Variants in DPP4 observed in about 807,000 individuals in gnomAD.
DPP4 encodes ADCP-2.
In DPP4, 93 loss-of-function variants were observed where a neutral mutation model predicts 122.4. The observed-to-expected ratio is 0.76, with a 90% CI of 0.64 to 0.90. DPP4 has a LOEUF of 0.90. Ranked by LOEUF, DPP4 falls within the 40% of genes least tolerant of loss-of-function variation. The pLI is 0.00. For missense variants in DPP4, 914 were observed against 907.3 expected, an observed-to-expected ratio of 1.01 and a Z score of -0.09; for synonymous variants, 321 against 302.9, an observed-to-expected ratio of 1.06 and a Z score of -0.62.
At chr2:161,997,352 G>C (rs1037464717) in intron 23 of DPP4, among the ~76,000 whole-genome samples, 12 of 151,936 alleles carry the variant, frequency 7.9e-5, no homozygotes, top group African/African-American at 2.9e-4. Flanking sequence ...TCCCTCCGTT[G>C]ATTTTTTTCA....
At chr2:162,030,415 T>C (rs943433466) in intron 10 of DPP4, among the ~76,000 whole-genome samples, 9 of 152,166 alleles carry the variant, frequency 5.9e-5, no homozygotes, top group African/African-American at 2.2e-4. Context: ...TCCTGTGGAT[T>C]TCACTTGCTG....
At chr2:162,070,392 C>G (rs1484567539) in intron 2 of DPP4, among the ~76,000 whole-genome samples, 2 of 152,152 alleles carry the variant, frequency 1.3e-5, no homozygotes, top group East Asian at 3.9e-4. Flanking sequence ...AAGCATTTCA[C>G]ATGGAAATGC....
chr2:162,047,637 A>T (rs563937607), intron 2 of DPP4, 136 bp from the exon 3 acceptor site: 2 of 526,184 alleles, frequency 3.8e-6, no homozygotes, highest in South Asian at 3.5e-5. Context: ...TGCAAGACAC[A>T]TTTTAAAAGA....
rs756717563 is a variant in DPP4, at chr2:162,073,091, A to C, written c.94+308T>G. On this transcript the variant is annotated intron_variant, in intron 2 of 25. Coordinates refer to ENST00000360534, the MANE Select transcript of DPP4 (RefSeq NM_001935.4). Reference sequence around the variant, plus strand: ...TCTCAAAAATTACATGTAAATTTAAAAATTTACAAATTAAATTTAAAATTG... The same window carrying C: ...TCTCAAAAATTACATGTAAATTTAACAATTTACAAATTAAATTTAAAATTG... 2.6e-4 allele frequency among the ~76,000 whole-genome samples: 39 copies of C among 152,232 alleles called. 1 individual carries two copies. The highest frequency in any genetic ancestry group is 4.3e-4 in the Non-Finnish European group (29 of 68,044).
At chr2:162,032,634 G>A (rs1268231083) in intron 10 of DPP4, among the ~76,000 whole-genome samples, 1 of 151,752 alleles carries the variant, frequency 6.6e-6, no homozygotes, top group African/African-American at 2.4e-5. Flanking sequence ...AGCCGAGATG[G>A]CATCACTGCA....
At position 162,035,281 on chromosome 2, in the gene DPP4, G is replaced by A. The variant is rs141550028; in HGVS notation, c.657C>T (p.Asn219=). 4.6e-5 allele frequency: 74 copies of A among 1,613,980 alleles called. No homozygotes were observed. Among genetic ancestry groups the A allele is most frequent in the African/African-American group, 5.3e-5 (4 of 75,028 alleles). The change falls in exon 9 of 26, where the codon AAC becomes AAT. Residue 219 remains asparagine (N), a synonymous_variant. Transcript: ENST00000360534. ...ATTGGGCATATGCTAAAAAAGTGCC[G>A]TTTGGAGACCACCACAGAGCAGAGT... is the stretch of plus-strand genomic sequence containing the variant. The part of the protein sequence containing the change: ...SAYSALWWSP[N]GTFLAYAQFN...
At chr2:162,069,668 C>T (rs1685053161) in intron 2 of DPP4, among the ~76,000 whole-genome samples, 1 of 152,182 alleles carries the variant, frequency 6.6e-6, no homozygotes, top group Non-Finnish European at 1.5e-5. Context: ...ACAGAGCATA[C>T]TGTTTAGAAA....
At chr2:162,057,359 T>C (rs1049517124) in intron 2 of DPP4, among the ~76,000 whole-genome samples, 2 of 152,186 alleles carry the variant, frequency 1.3e-5, no homozygotes, top group Admixed American at 1.3e-4. Flanking sequence ...CAAATATACA[T>C]ACCCTTCCTT....
intron 23 of DPP4, among the ~76,000 whole-genome samples, chr2:162,004,846 T>C (rs898858422): frequency 5.3e-5 from 8 of 151,176 alleles, no homozygotes; most frequent in Admixed American, 4.6e-4. Context: ...GTTATTCTTA[T>C]TGTTTTTCTT....
chr2:162,064,840 C>A (rs1684896733), intron 2 of DPP4, among the ~76,000 whole-genome samples: 1 of 152,092 alleles, frequency 6.6e-6, no homozygotes, highest in Non-Finnish European at 1.5e-5. Flanking sequence ...TGCAATAAAC[C>A]CAGTTAGGAA....
intron 20 of DPP4, among the ~76,000 whole-genome samples, chr2:162,010,367 G>T (rs915939759): frequency 6.6e-6 from 1 of 152,134 alleles, no homozygotes; most frequent in Admixed American, 6.5e-5. Context: ...AAATTTCACT[G>T]AACTTTTGCC....
intron 2 of DPP4, among the ~76,000 whole-genome samples, chr2:162,063,413 G>T (rs948389210): frequency 2.0e-5 from 3 of 152,102 alleles, no homozygotes; most frequent in African/African-American, 7.2e-5. Context: ...AGTGGATGAG[G>T]TCATCTAAGG....
At chr2:162,000,640 AT>A (rs1039031240) in intron 23 of DPP4, among the ~76,000 whole-genome samples, 2 of 152,232 alleles carry the variant, frequency 1.3e-5, no homozygotes, top group African/African-American at 4.8e-5. Context: ...AGGATTGAAC[AT>A]TTCAAATCTG....
intron 23 of DPP4, among the ~76,000 whole-genome samples, chr2:161,999,536 G>A (rs1259693567): frequency 6.6e-6 from 1 of 152,176 alleles, no homozygotes; most frequent in Non-Finnish European, 1.5e-5. Context: ...CAACAGCCTG[G>A]CAAGGAGAAG....
intron 12 of DPP4, 36 bp downstream of exon 12, chr2:162,022,719 A>C: frequency 6.2e-7 from 1 of 1,606,570 alleles, no homozygotes; most frequent in East Asian, 2.2e-5. Flanking sequence ...TGAGTAGCTG[A>C]CTCATCCATA....
chr2:162,050,548 G>T (rs1684345445), intron 2 of DPP4, among the ~76,000 whole-genome samples: 1 of 152,170 alleles, frequency 6.6e-6, no homozygotes, highest in Non-Finnish European at 1.5e-5. Flanking sequence ...CAAGGCCCAG[G>T]CTTACCCTGG....
intron 2 of DPP4, among the ~76,000 whole-genome samples, chr2:162,053,523 A>G (rs980485581): frequency 5.3e-5 from 8 of 152,218 alleles, no homozygotes; most frequent in Non-Finnish European, 4.4e-5. Flanking sequence ...TGCCGTCCGT[A>G]GGCCACAGGT....
chr2:162,040,998 C>T (rs1369150618), intron 5 of DPP4, among the ~76,000 whole-genome samples: 2 of 151,722 alleles, frequency 1.3e-5, no homozygotes, highest in Non-Finnish European at 2.9e-5. Context: ...GTGAGAAATG[C>T]AATTTACAAA....
At position 162,074,200 on chromosome 2, in the gene DPP4, C is replaced by A; in HGVS notation, c.-219G>T. On this transcript the variant is annotated 5_prime_UTR_variant, in exon 1 of 26. Transcript: ENST00000360534. ...GGCAGGCGGCGCGGGAGCAGGCGCG[C>A]GTGGCGCGGGGCACTGGCATCCCGG... The A allele has an allele frequency of 8.1e-7, 1 of 1,230,572 alleles. No homozygotes were observed. The highest frequency in any genetic ancestry group is 1.0e-6 in the Non-Finnish European group (1 of 987,442). 76.2% of individuals were successfully genotyped at this position (1,230,572 alleles called of 1,614,324 possible). A position where few individuals can be genotyped will look rare whatever the true frequency, so the allele number is the denominator to read the frequency against.
Sources: allele counts gnomAD v4.1 joint callset (sites outside exome capture counted in the v4.1 genomes callset), GRCh38; gene constraint gnomAD v4.1.1; transcripts MANE v1.5; gene names NCBI Gene and HGNC (gene_info 2026-07-23, HGNC 2026-07-21).